Variants in MTPAP observed in about 807,000 individuals in gnomAD.
The protein encoded by MTPAP is mitochondrial poly(A) polymerase.
Under a neutral mutation model 48.7 loss-of-function variants are expected in MTPAP, and 23 were observed. The ratio of observed to expected loss-of-function variants is 0.47; its 90% CI spans 0.34 to 0.67. The LOEUF is 0.67. Ranked by LOEUF, MTPAP falls within the 30% of genes least tolerant of loss-of-function variation. MTPAP has a pLI of 0.01. For synonymous variants in MTPAP, 257 were observed against 254.1 expected (o/e 1.01, Z -0.11); for missense variants, 614 against 694.3 (o/e 0.88, Z 1.30).
chr10:30,337,163 G>T, intron 3 of MTPAP, 136 bp from the exon 4 acceptor site: 2 of 803,936 alleles, frequency 2.5e-6, no homozygotes, highest in East Asian at 5.3e-5. Flanking sequence ...AGTGGCTCAC[G>T]CCTGTAATCC....
At chr10:30,339,708 G>T (rs927391029) in intron 3 of MTPAP, among the ~76,000 whole-genome samples, 3 of 152,134 alleles carry the variant, frequency 2.0e-5, no homozygotes, top group Admixed American at 6.5e-5. Context: ...ATATCCTGTA[G>T]TTTGAATTTT....
At chr10:30,331,865 CTGTA>C (rs1375351875) in intron 4 of MTPAP, among the ~76,000 whole-genome samples, 1 of 152,248 alleles carries the variant, frequency 6.6e-6, no homozygotes, top group Non-Finnish European at 1.5e-5. Context: ...CCACGCCTAG[CTGTA>C]AGTAACTTTT....
At chr10:30,346,730 G>A (rs1451792833) in intron 1 of MTPAP, among the ~76,000 whole-genome samples, 2 of 152,124 alleles carry the variant, frequency 1.3e-5, no homozygotes, top group African/African-American at 4.8e-5. Context: ...GCACACCCCT[G>A]CTAGTAAAAA....
chr10:30,344,964 A>G (rs936084530), intron 1 of MTPAP, among the ~76,000 whole-genome samples: 5 of 152,194 alleles, frequency 3.3e-5, no homozygotes, highest in South Asian at 2.1e-4. Context: ...TCGGCCTCCC[A>G]AAGTGCCGGG....
At position 30,326,415 on chromosome 10, in the gene MTPAP, C is replaced by T. The variant is rs367950561; in HGVS notation, c.992+9G>A. On this transcript the variant is annotated intron_variant, in intron 5 of 8. Coordinates refer to ENST00000263063, the MANE Select transcript of MTPAP (RefSeq NM_018109.4). ...TCATATTTAAAATAATAAATGTAAG[C>T]GGTCATACCTATTGTTCGTAGTCAA... 4.2e-5 allele frequency: 68 copies of T among 1,606,098 alleles called. No individual in the cohort carries two copies. The African/African-American group carries it at 5.1e-4, about 12-fold the overall frequency.
intron 1 of MTPAP, 174 bp downstream of exon 1, chr10:30,348,945 A>G: frequency 1.2e-6 from 1 of 862,338 alleles, no homozygotes; most frequent in Non-Finnish European, 1.8e-6. Context: ...TGCCTCAGCA[A>G]CGGCGGCGAC....
At chr10:30,345,008 C>T (rs888223402) in intron 1 of MTPAP, among the ~76,000 whole-genome samples, 6 of 152,172 alleles carry the variant, frequency 3.9e-5, no homozygotes, top group Admixed American at 2.0e-4. Context: ...CCGGCCCAAA[C>T]AGTGTAGAAT....
intron 8 of MTPAP, 59 bp from the exon 9 acceptor site, chr10:30,314,030 A>G: frequency 6.5e-7 from 1 of 1,544,434 alleles, no homozygotes; most frequent in South Asian, 1.1e-5. Flanking sequence ...TAAATATAAA[A>G]ACAGTTAACT....
At chr10:30,324,998 AAAAAAG>A (rs1834566839) in intron 5 of MTPAP, among the ~76,000 whole-genome samples, 1 of 152,102 alleles carries the variant, frequency 6.6e-6, no homozygotes, top group Non-Finnish European at 1.5e-5. Flanking sequence ...CTCAAAAAAA[AAAAAAG>A]AAAAAGAAAA....
At chr10:30,346,113 C>T (rs972322066) in intron 1 of MTPAP, among the ~76,000 whole-genome samples, 4 of 150,668 alleles carry the variant, frequency 2.7e-5, no homozygotes, top group Admixed American at 1.3e-4. Flanking sequence ...GATGCATGCA[C>T]GTAATGGGGG....
chr10:30,325,803 C>G (rs1834587716), intron 5 of MTPAP, among the ~76,000 whole-genome samples: 1 of 131,934 alleles, frequency 7.6e-6, no homozygotes, highest in African/African-American at 3.1e-5. Context: ...GTTGTGAAAC[C>G]AGGAAAAGTC....
Position 30,326,729 on chromosome 10 carries a change from G to A in MTPAP, c.781-94C>T, listed in dbSNP as rs542742762. On this transcript the variant is annotated intron_variant, in intron 4 of 8. Transcript: ENST00000263063. ...AAAAGAATGCTCTAAATCACTGCTG[G>A]AAAGCAAAACAAAATAAGAAAAAAA... 2.5e-4 allele frequency: 228 copies of A among 923,664 alleles called. 3 individuals are homozygous for A. In the South Asian group the frequency reaches 3.1e-3, roughly 12 times the overall value. 57.2% of individuals were successfully genotyped at this position (923,664 alleles called of 1,614,324 possible).
intron 4 of MTPAP, among the ~76,000 whole-genome samples, chr10:30,332,844 G>A (rs1048021509): frequency 3.3e-5 from 5 of 151,550 alleles, no homozygotes; most frequent in East Asian, 1.9e-4. Context: ...TAAAATGGCC[G>A]GGCGCAGTGG....
At chr10:30,343,057 C>T (rs1435177994) in intron 1 of MTPAP, among the ~76,000 whole-genome samples, 4 of 151,988 alleles carry the variant, frequency 2.6e-5, no homozygotes, top group Admixed American at 6.5e-5. Flanking sequence ...TTTTTTTCCC[C>T]CAAGATTTTA....
chr10:30,319,788 C>T (rs1458207784), intron 6 of MTPAP, among the ~76,000 whole-genome samples: 1 of 152,202 alleles, frequency 6.6e-6, no homozygotes, highest in Non-Finnish European at 1.5e-5. Flanking sequence ...CTACAATGTG[C>T]TATATGCCGA....
At chr10:30,349,070 C>A in intron 1 of MTPAP, 49 bp downstream of exon 1, 1 of 1,613,294 alleles carries the variant, frequency 6.2e-7, no homozygotes, top group Non-Finnish European at 8.5e-7. Flanking sequence ...TGATCCCAGA[C>A]TCCTCGCCCG....
chr10:30,329,790 C>A (rs939817685), intron 4 of MTPAP, among the ~76,000 whole-genome samples: 3 of 151,998 alleles, frequency 2.0e-5, no homozygotes, highest in Admixed American at 6.6e-5. Context: ...AAAGATACCA[C>A]CCTCATTATC....
In MTPAP at chr10:30,349,124, T is replaced by A. The variant is rs1323237334; in HGVS notation, c.152A>T (p.Glu51Val). ...RRDEQPSGSV[E>V]TGFEDKIPKR... ...GGGCAAACCGGCGCCATCACCTGTC[T>A]CCACGCTCCCTGAAGGCTGCTCGTC... Residue 51 changes from glutamate to valine, a missense_variant, in exon 1 of 9, where the codon GAG becomes GTG. By Grantham distance (121) the Glu-to-Val change is moderately radical (BLOSUM62 -2). Coordinates refer to ENST00000263063, the MANE Select transcript of MTPAP (RefSeq NM_018109.4). The A allele has an allele frequency of 1.9e-6, 3 of 1,613,634 alleles. No individual in the cohort carries two copies. Among genetic ancestry groups the A allele is most frequent in the Non-Finnish European group, 2.5e-6 (3 of 1,179,798 alleles).
At chr10:30,332,811 C>T (rs1174378618) in intron 4 of MTPAP, among the ~76,000 whole-genome samples, 4 of 151,412 alleles carry the variant, frequency 2.6e-5, no homozygotes, top group African/African-American at 7.3e-5. Flanking sequence ...GGTGAAACAA[C>T]GAGTCAATAA....
Sources: allele counts gnomAD v4.1 joint callset (sites outside exome capture counted in the v4.1 genomes callset), GRCh38; gene constraint gnomAD v4.1.1; transcripts MANE v1.5; gene names NCBI Gene and HGNC (gene_info 2026-07-23, HGNC 2026-07-21).